CHD5: variants seen among roughly 807,000 people sequenced by gnomAD.
CHD5 encodes ATP-dependent chromatin remodeler CHD5.
CHD5 carries 69 observed loss-of-function variants against 230.3 expected under a neutral mutation model. The observed-to-expected ratio is 0.30, with a 90% CI of 0.25 to 0.37. CHD5 has a LOEUF of 0.37. Among genes scored for constraint, CHD5 ranks in the 10% least tolerant of loss-of-function variants. The probability of loss-of-function intolerance (pLI) is 1.00; values close to 1 mark genes in which losing one functional copy is unlikely to be tolerated. For synonymous variants in CHD5, 1,064 were observed against 1,065.9 expected, an observed-to-expected ratio of 1.00 and a Z score of 0.03; for missense variants, 1,827 against 2,622.8, an observed-to-expected ratio of 0.70 and a Z score of 6.63.
At chr1:6,159,647 C>G (rs1667136230) in intron 2 of CHD5, 132 bp from the exon 3 acceptor site, 1 of 714,368 alleles carries the variant, frequency 1.4e-6, no homozygotes, top group South Asian at 1.9e-5. Context: ...CTCCACTCAT[C>G]ATCAGAGGCC....
Position 6,111,820 on chromosome 1 carries a change from A to T in CHD5, c.5204T>A (p.Ile1735Asn), listed in dbSNP as rs775681121. ...CCAGTAGTCATGGCGCCGGTGCCAG[A>T]TGTCGTAGATTTTCCCAGAGGATAC... is the stretch of plus-strand genomic sequence containing the variant. ...AAVSSGKIYDIWHRRHDYWLL... is the reference protein window; with the variant it reads ...AAVSSGKIYDNWHRRHDYWLL... The change falls in exon 36 of 42, where the codon ATC becomes AAC. Residue 1735 changes from isoleucine to asparagine, a missense_variant. Around this residue, in one of 14 missense-constraint regions of CHD5, gnomAD observed 272 missense variants for 263.2 expected, o/e 1.03. Transcript: ENST00000262450. The T allele has an allele frequency of 1.9e-6, 3 of 1,613,536 alleles. No individual in the cohort carries two copies. The highest frequency in any genetic ancestry group is 2.5e-6 in the Non-Finnish European group (3 of 1,180,020).
At position 6,142,078 on chromosome 1, in the gene CHD5, A is replaced by G. The variant is rs1666836926; in HGVS notation, c.2436+50T>C. On this transcript the variant is annotated intron_variant, in intron 15 of 41. Coordinates refer to ENST00000262450, the MANE Select transcript of CHD5 (RefSeq NM_015557.3). The surrounding 1 kb of genome is among the most constrained non-coding windows in gnomAD (Gnocchi z 5.2). ...AGTGCACGGCACCCGTGGTCCCTGAACTAGACCGGGGGCCTTCCTACCGTC... is the reference window on the plus strand; with the variant it reads ...AGTGCACGGCACCCGTGGTCCCTGAGCTAGACCGGGGGCCTTCCTACCGTC... The G allele has an allele frequency of 1.3e-6, 2 of 1,545,608 alleles. No homozygotes were observed. The highest frequency in any genetic ancestry group is 3.4e-5 in the Admixed American group (2 of 59,604).
intron 5 of CHD5, among the ~76,000 whole-genome samples, chr1:6,153,348 C>G (rs910260775): frequency 6.6e-6 from 1 of 152,226 alleles, no homozygotes; most frequent in African/African-American, 2.4e-5. Flanking sequence ...GGCCAGGAGC[C>G]CCTCCCGAGA....
intron 7 of CHD5, 26 bp from the exon 8 acceptor site, chr1:6,149,438 G>C: frequency 6.3e-7 from 1 of 1,583,214 alleles, no homozygotes; most frequent in East Asian, 2.3e-5. Context: ...GGCAGTCATG[G>C]AAGTCCTCAT....
intron 15 of CHD5, among the ~76,000 whole-genome samples, chr1:6,137,456 A>C (rs1666763539): frequency 6.6e-6 from 1 of 152,096 alleles, no homozygotes; most frequent in South Asian, 2.1e-4. Flanking sequence ...ATCCTAACAA[A>C]ACATACAAGC....
Position 6,149,315 on chromosome 1 carries a change from G to A in CHD5, c.1092C>T (p.Ala364=), listed in dbSNP as rs1483596201. The part of the protein sequence containing the change: ...EIILCDTCPR[A]YHLVCLDPEL... ...CTGGGTCCAGGCATACGAGATGGTA[G>A]GCCCTCGGGCAGGTGTCGCACAGGA... The change falls in exon 8 of 42, where the codon GCC becomes GCT. Residue 364 remains alanine (A), a synonymous_variant. Transcript: ENST00000262450. 3 of 1,613,042 alleles carry A rather than the reference G, an allele frequency of 1.9e-6. No individual in the cohort carries two copies. In the East Asian group the frequency reaches 6.7e-5, roughly 36 times the overall value.
At chr1:6,124,144 G>T (rs370037711) in intron 30 of CHD5, 37 bp from the exon 31 acceptor site, 11 of 1,591,738 alleles carry the variant, frequency 6.9e-6, no homozygotes, top group Non-Finnish European at 8.6e-6. Flanking sequence ...GGGAAAGAGG[G>T]AGGGCAGTGG....
At chr1:6,173,688 C>T (rs1169572326) in intron 1 of CHD5, among the ~76,000 whole-genome samples, 5 of 152,140 alleles carry the variant, frequency 3.3e-5, no homozygotes, top group Admixed American at 2.6e-4. Flanking sequence ...GCAGGCAGAG[C>T]CCAGCGAGAC....
chr1:6,156,710 C>G (rs947267853), intron 3 of CHD5, among the ~76,000 whole-genome samples: 1 of 152,050 alleles, frequency 6.6e-6, no homozygotes, highest in Non-Finnish European at 1.5e-5. Context: ...GAGGATCCAA[C>G]TACTGCTGAG....
chr1:6,121,302 C>G lies in CHD5; in HGVS notation c.4780-65G>C, dbSNP rs546142145. The G allele has an allele frequency of 6.3e-7, 1 of 1,576,862 alleles. No individual in the cohort carries two copies. On this transcript the variant is annotated intron_variant, in intron 32 of 41. Coordinates refer to ENST00000262450, the MANE Select transcript of CHD5 (RefSeq NM_015557.3). The surrounding 1 kb of genome is among the most constrained non-coding windows in gnomAD (Gnocchi z 4.5). ...CTCACCAGGAACGGAGGGCGGGGAA[C>G]GTGCGCTGGGCTGGGAACCCAGTCT...
In CHD5 at chr1:6,125,718, CCT is replaced by C. The variant is rs1367164380; in HGVS notation, c.4171+46_4171+47del. ...CCCCGCTCCTGCTGCCATCAGCTCC[CCT>C]GACATGGCCTCAGCAGTAGCCCAGA... On this transcript the variant is annotated intron_variant, in intron 27 of 41. Coordinates refer to ENST00000262450, the MANE Select transcript of CHD5 (RefSeq NM_015557.3). This position sits in a 1 kb window ranked among gnomAD's most constrained non-coding sequence, Gnocchi z 6.7. The C allele has an allele frequency of 1.9e-6, 3 of 1,589,284 alleles. No individual in the cohort carries two copies. Among genetic ancestry groups the C allele is most frequent in the Non-Finnish European group, 1.7e-6 (2 of 1,157,558 alleles).
At chr1:6,144,925 T>G (rs998478856) in intron 11 of CHD5, among the ~76,000 whole-genome samples, 3 of 152,272 alleles carry the variant, frequency 2.0e-5, no homozygotes, top group African/African-American at 7.2e-5. Flanking sequence ...TTGATTGTTT[T>G]GCAGATTGGG....
rs564828819 is a variant in CHD5, at chr1:6,149,227, G to C, written c.1161+19C>G. ...CAGGCGTGGCCCCGCCCCCAGCCCG[G>C]GGCTCTGCCAAGGCTTACACAGTGG... On this transcript the variant is annotated intron_variant, in intron 8 of 41. Transcript: ENST00000262450. 1.9e-6 allele frequency: 3 copies of C among 1,563,324 alleles called. No homozygotes were observed. The highest frequency in any genetic ancestry group is 2.6e-6 in the Non-Finnish European group (3 of 1,149,672).
chr1:6,125,548 G>T lies in CHD5; in HGVS notation c.4236C>A (p.Leu1412=). 6.3e-7 allele frequency: 1 copy of T among 1,597,522 alleles called. No individual in the cohort carries two copies. The highest frequency in any genetic ancestry group is 8.5e-7 in the Non-Finnish European group (1 of 1,171,164). ...SDRDKPLPPL[L]ARVGGNIEVL... is the part of the protein sequence containing the mutation. ...CCTCGATGTTGCCACCAACTCGGGC[G>T]AGAAGCGGGGGCAGGGGCTTGTCCC... Residue 1412 remains leucine (L), a synonymous_variant, in exon 28 of 42, where the codon CTC becomes CTA. Coordinates refer to ENST00000262450, the MANE Select transcript of CHD5 (RefSeq NM_015557.3). This position sits in a 1 kb window ranked among gnomAD's most constrained non-coding sequence, Gnocchi z 6.7.
rs1666328215 is a variant in CHD5 at position 6,113,545 on chromosome 1, G to A, written c.4913-547C>T. The A allele has an allele frequency of 2.8e-5, 7 of 252,102 alleles. No individual in the cohort carries two copies. The South Asian group carries it at 2.8e-4, about 10-fold the overall frequency. 15.6% of individuals were successfully genotyped at this position (252,102 alleles called of 1,614,324 possible). ...CTGGTGTCCAGGGGCCCCAGGTTGG[G>A]GTGATGAGACACCAGGAAGAAGCCT... is the stretch of plus-strand genomic sequence containing the variant. On this transcript the variant is annotated intron_variant, in intron 33 of 41. Transcript: ENST00000262450.
intron 2 of CHD5, among the ~76,000 whole-genome samples, chr1:6,166,912 C>A (rs80266207): frequency 0.024 from 3,581 of 152,306 alleles, 130 homozygotes; most frequent in African/African-American, 0.082. Context: ...CCACCCGCAA[C>A]AGGCCCTCCC....
At position 6,103,391 on chromosome 1, in the gene CHD5, G is replaced by A. The variant is rs41310359; in HGVS notation, c.*2083C>T. 594 of 152,780 alleles carry A rather than the reference G, an allele frequency of 3.9e-3. 3 individuals are homozygous for A. The highest frequency in any genetic ancestry group is 6.7e-3 in the Admixed American group (103 of 15,312). 9.5% of individuals were successfully genotyped at this position (152,780 alleles called of 1,614,324 possible). On this transcript the variant is annotated 3_prime_UTR_variant, in exon 42 of 42. Coordinates refer to ENST00000262450, the MANE Select transcript of CHD5 (RefSeq NM_015557.3). ...GGGACAGAGCAAGCCTGCCTGAGAG[G>A]AAGGCGCACAGGGGAGGGACCATCA...
chr1:6,106,202 C>A (rs543419175), intron 41 of CHD5, 32 bp downstream of exon 41: 8 of 1,589,830 alleles, frequency 5.0e-6, no homozygotes, highest in Non-Finnish European at 6.9e-6. Flanking sequence ...AATGGGGTGG[C>A]GGGGAGGAAC....
chr1:6,124,597 C>G lies in CHD5; in HGVS notation c.4459G>C (p.Ala1487Pro). The G allele has an allele frequency of 6.2e-7, 1 of 1,605,746 alleles. No homozygotes were observed. The highest frequency in any genetic ancestry group is 8.5e-7 in the Non-Finnish European group (1 of 1,178,400). ...EPGADGAETF[A>P]DGVPREGLSR... ...AGGCCCTCCCGGGGCACGCCGTCTG[C>G]GAAGGTCTCTGCACCATCCGCCCCC... Residue 1487 changes from alanine (A) to proline (P), a missense_variant, in exon 30 of 42, where the codon GCA (alanine) becomes CCA (proline). By Grantham distance (27) the Ala-to-Pro change is conservative. This residue lies in a region of CHD5 where 108 missense variants were observed against 152.4 expected (regional missense o/e 0.71). Transcript: ENST00000262450.
Sources: gnomAD v4.1 joint callset for allele counts (sites outside exome capture counted in the v4.1 genomes callset) on GRCh38, gnomAD v4.1.1 for gene constraint, gnomAD v4.1.1 regional missense constraint, Gnocchi (gnomAD v3.1) non-coding constraint, MANE v1.5 for transcripts, NCBI Gene and HGNC (gene_info 2026-07-23, HGNC 2026-07-21) for gene names.